The following AGPAT3 variants were observed in gnomAD, a reference collection of about 807,000 sequenced individuals.
AGPAT3 encodes 1-acyl-sn-glycerol-3-phosphate acyltransferase gamma.
A neutral mutation model predicts 47.3 loss-of-function variants in AGPAT3; 5 were observed. That is an observed-to-expected ratio of 0.11 (90% CI 0.06 to 0.22). AGPAT3 has a LOEUF of 0.22. Among genes scored for constraint, AGPAT3 ranks in the 10% least tolerant of loss-of-function variants. The pLI, the probability that AGPAT3 is intolerant of heterozygous loss-of-function variation, is 1.00. For synonymous variants in AGPAT3, 212 were observed against 208.3 expected, an observed-to-expected ratio of 1.02 and a Z score of -0.15; for missense variants, 315 against 493.0, an observed-to-expected ratio of 0.64 and a Z score of 3.42.
chr21:43,901,532 C>T (rs2086357053), intron 1 of AGPAT3, among the ~76,000 whole-genome samples: 2 of 152,094 alleles, frequency 1.3e-5, no homozygotes, highest in African/African-American at 2.4e-5. Context: ...CCTGTAATCC[C>T]AGCACTTCTG....
At chr21:43,906,527 C>T (rs139540498) in intron 2 of AGPAT3, among the ~76,000 whole-genome samples, 1 of 152,308 alleles carries the variant, frequency 6.6e-6, no homozygotes, top group African/African-American at 2.4e-5. Context: ...TTGGCTAAAA[C>T]CAACGAGACA....
At chr21:43,976,414 G>T (rs2089624247) in intron 7 of AGPAT3, among the ~76,000 whole-genome samples, 1 of 152,196 alleles carries the variant, frequency 6.6e-6, no homozygotes, top group African/African-American at 2.4e-5. Flanking sequence ...TGGTCAGGCT[G>T]GTCTTGAACT....
At chr21:43,882,540 A>G (rs574674687) in intron 1 of AGPAT3, 2 of 152,234 alleles carry the variant, frequency 1.3e-5, no homozygotes, top group Admixed American at 6.5e-5. Flanking sequence ...TGGAAAATCC[A>G]GTGTCTATGA....
At chr21:43,923,961 G>A (rs925244415) in intron 2 of AGPAT3, among the ~76,000 whole-genome samples, 1 of 152,220 alleles carries the variant, frequency 6.6e-6, no homozygotes, top group Non-Finnish European at 1.5e-5. Context: ...AGGTGAGATT[G>A]AAAGGCTTGT....
chr21:43,973,222 C>T (rs556536918), intron 7 of AGPAT3, among the ~76,000 whole-genome samples: 1 of 152,258 alleles, frequency 6.6e-6, no homozygotes, highest in African/African-American at 2.4e-5. Flanking sequence ...AGTTCTCTCC[C>T]TTATGTGCCT....
intron 2 of AGPAT3, among the ~76,000 whole-genome samples, chr21:43,905,381 G>T (rs1438917350): frequency 6.6e-6 from 1 of 151,858 alleles, no homozygotes; most frequent in Non-Finnish European, 1.5e-5. Context: ...GTAGAGATGG[G>T]GTTTCACCAT....
In AGPAT3 at chr21:43,957,963, C is replaced by T. The variant is rs543097229; in HGVS notation, c.-48-1671C>T. 1.6e-4 allele frequency among the ~76,000 whole-genome samples: 25 copies of T among 152,226 alleles called. 1 individual carries two copies. Among genetic ancestry groups the T allele is most frequent in the African/African-American group, 4.1e-4 (17 of 41,524 alleles). Reference sequence around the variant, plus strand: ...GGAGCCGGTGGAGCCCCTGGGGAGTCGCTCCTTTTGTGCAGGAAACCAGAA... The same window carrying T: ...GGAGCCGGTGGAGCCCCTGGGGAGTTGCTCCTTTTGTGCAGGAAACCAGAA... On this transcript the variant is annotated intron_variant, in intron 2 of 9. Coordinates refer to ENST00000291572, the MANE Select transcript of AGPAT3 (RefSeq NM_020132.5).
rs2086938936 is a variant in AGPAT3, at chr21:43,922,963, A to G, written c.-49+18944A>G. ...GGGGTGCGAGCGTCTGTTCTGTGTC[A>G]GGAGTCCCTGTTTCTTTCTCCCCAT... On this transcript the variant is annotated intron_variant, in intron 2 of 9. Transcript: ENST00000291572. The surrounding 1 kb of genome is among the most constrained non-coding windows in gnomAD (Gnocchi z 4.9). Among the ~76,000 whole-genome samples, 1 of 152,204 alleles carries G rather than the reference A, an allele frequency of 6.6e-6. No homozygotes were observed. The highest frequency in any genetic ancestry group is 6.5e-5 in the Admixed American group (1 of 15,290).
intron 3 of AGPAT3, among the ~76,000 whole-genome samples, chr21:43,960,427 C>T (rs1281445092): frequency 6.6e-6 from 1 of 152,228 alleles, no homozygotes; most frequent in Admixed American, 6.5e-5. Flanking sequence ...CAGGTAACCG[C>T]TCACACCGGG....
intron 1 of AGPAT3, among the ~76,000 whole-genome samples, chr21:43,895,813 C>T (rs905570561): frequency 3.3e-5 from 5 of 152,140 alleles, no homozygotes; most frequent in Non-Finnish European, 7.3e-5. Context: ...GTTGCCTAGG[C>T]CGGAGTGCAA....
At chr21:43,891,788 C>T (rs1017758948) in intron 1 of AGPAT3, among the ~76,000 whole-genome samples, 3 of 152,198 alleles carry the variant, frequency 2.0e-5, no homozygotes, top group Admixed American at 2.0e-4. Context: ...GTCTTGAACT[C>T]CTCAAAGTCA....
rs2087557638 is a variant in AGPAT3 at position 43,939,145 on chromosome 21, G to A, written c.-48-20489G>A. ...CAGGTTCGTTGTGTCTGATGCCGTG[G>A]GAGATGCACGAGCAGTGACTTTCAC... On this transcript the variant is annotated intron_variant, in intron 2 of 9. Coordinates refer to ENST00000291572, the MANE Select transcript of AGPAT3 (RefSeq NM_020132.5). The surrounding 1 kb of genome is among the most constrained non-coding windows in gnomAD (Gnocchi z 4.4). 6.6e-6 allele frequency among the ~76,000 whole-genome samples: 1 copy of A among 152,178 alleles called. No individual in the cohort carries two copies. The highest frequency in any genetic ancestry group is 1.5e-5 in the Non-Finnish European group (1 of 68,018).
chr21:43,918,986 A>C (rs979321756), intron 2 of AGPAT3, among the ~76,000 whole-genome samples: 3 of 152,050 alleles, frequency 2.0e-5, no homozygotes, highest in African/African-American at 7.3e-5. Flanking sequence ...GTTATTACTT[A>C]ACATTCTTTT....
chr21:43,967,932 C>T lies in AGPAT3; in HGVS notation c.179-14C>T, dbSNP rs771837390. The stretch of plus-strand genomic sequence containing the variant: ...GGGGTCCTACCAGTGCCAACGCCCT[C>T]CCCCTGTCCGCAGAACTGGTCATGC... On this transcript the variant is annotated splice_polypyrimidine_tract_variant and intron_variant, in intron 3 of 9. Transcript: ENST00000291572. 58 of 1,612,082 alleles carry T rather than the reference C, an allele frequency of 3.6e-5. No individual in the cohort carries two copies. In the Middle Eastern group the frequency reaches 4.9e-4, roughly 14 times the overall value.
In AGPAT3 at chr21:43,968,161, GGGGAGGGCCGGGGGTGAGCGGGGACCCA is replaced by G. The variant is rs754119935; in HGVS notation, c.348+60_348+87del. 112 of 1,600,936 alleles carry G rather than the reference GGGGAGGGCCGGGGGTGAGCGGGGACCCA, an allele frequency of 7.0e-5. 1 individual carries two copies. The South Asian group carries it at 9.9e-4, about 14-fold the overall frequency. The stretch of plus-strand genomic sequence containing the variant: ...GGCCACGGGTGAGCAGGAGGGTCCC[GGGGAGGGCCGGGGGTGAGCGGGGACCCA>G]GGGAGGGCCGGGGTGAGCAGGGGGT... On this transcript the variant is annotated intron_variant, in intron 4 of 9. Transcript: ENST00000291572.
At chr21:43,940,214 G>T (rs1468673060) in intron 2 of AGPAT3, among the ~76,000 whole-genome samples, 1 of 152,222 alleles carries the variant, frequency 6.6e-6, no homozygotes, top group African/African-American at 2.4e-5. Flanking sequence ...GGTCCTTCTC[G>T]CCGGCTTCAG....
intron 2 of AGPAT3, among the ~76,000 whole-genome samples, chr21:43,935,143 T>C (rs2087396543): frequency 6.6e-6 from 1 of 152,240 alleles, no homozygotes; most frequent in African/African-American, 2.4e-5. Context: ...CACCTGGCAA[T>C]TCTGGAGAGC....
Position 43,987,226 on chromosome 21 carries a change from T to G in AGPAT3, c.*4834T>G, listed in dbSNP as rs966464008. 2.0e-5 allele frequency among the ~76,000 whole-genome samples: 3 copies of G among 152,202 alleles called. No individual in the cohort carries two copies. The highest frequency in any genetic ancestry group is 2.4e-5 in the African/African-American group (1 of 41,456). On this transcript the variant is annotated 3_prime_UTR_variant, in exon 10 of 10. Transcript: ENST00000291572. ...AGGGCCACCAGGCACTCCTGTCCCA[T>G]GGGGCCACCCACCTTCAGAGCCCAC... is the stretch of plus-strand genomic sequence containing the variant.
In AGPAT3 at chr21:43,908,128, G is replaced by T. The variant is rs1030139271; in HGVS notation, c.-49+4109G>T. ...AGAGCCTAAATTATGTGGGAAAAAC[G>T]TGTGTGTGTTCCAAAGCTGGAGTGA... On this transcript the variant is annotated intron_variant, in intron 2 of 9. Coordinates refer to ENST00000291572, the MANE Select transcript of AGPAT3 (RefSeq NM_020132.5). The surrounding 1 kb of genome is among the most constrained non-coding windows in gnomAD (Gnocchi z 4.9). Among the ~76,000 whole-genome samples, 3 of 152,202 alleles carry T rather than the reference G, an allele frequency of 2.0e-5. No homozygotes were observed. The highest frequency in any genetic ancestry group is 2.0e-4 in the Admixed American group (3 of 15,276).
Sources: gnomAD v4.1 joint callset for allele counts (sites outside exome capture counted in the v4.1 genomes callset) on GRCh38, gnomAD v4.1.1 for gene constraint, Gnocchi (gnomAD v3.1) non-coding constraint, MANE v1.5 for transcripts, NCBI Gene and HGNC (gene_info 2026-07-23, HGNC 2026-07-21) for gene names.